The following DSCAML1 variants were observed in gnomAD, a reference collection of about 807,000 sequenced individuals.
The protein encoded by DSCAML1 is DS cell adhesion molecule like 1.
In DSCAML1, 38 loss-of-function variants were observed where a neutral mutation model predicts 200.5. The observed-to-expected ratio is 0.19, with a 90% CI of 0.15 to 0.25. The LOEUF (loss-of-function observed/expected upper bound fraction) is 0.25, where lower values mean the gene tolerates loss of function less well. DSCAML1 is among the 10% of genes least tolerant of loss of function. The pLI, the probability that DSCAML1 is intolerant of heterozygous loss-of-function variation, is 1.00. For synonymous variants in DSCAML1, 1,215 were observed against 1,165.0 expected (o/e 1.04, Z -0.87); for missense variants, 2,223 against 2,858.8 (o/e 0.78, Z 5.07).
chr11:117,590,240 A>G (rs2051232973), intron 3 of DSCAML1, among the ~76,000 whole-genome samples: 1 of 152,002 alleles, frequency 6.6e-6, no homozygotes, highest in South Asian at 2.1e-4. Flanking sequence ...CCAGGCTGGA[A>G]TGCAGTGGTG....
intron 3 of DSCAML1, among the ~76,000 whole-genome samples, chr11:117,536,022 C>T (rs919146742): frequency 6.6e-6 from 1 of 152,098 alleles, no homozygotes; most frequent in Non-Finnish European, 1.5e-5. Flanking sequence ...CCTCCCTCCC[C>T]CCCTTCTTGT....
At chr11:117,745,083 C>T (rs775430345) in intron 3 of DSCAML1, among the ~76,000 whole-genome samples, 7 of 152,064 alleles carry the variant, frequency 4.6e-5, no homozygotes, top group East Asian at 1.9e-4. Context: ...CATAAGAGAA[C>T]GCTTCCATTT....
At position 117,428,677 on chromosome 11, in the gene DSCAML1, T is replaced by A. The variant is rs756455771; in HGVS notation, c.5813A>T (p.His1938Leu). 2 of 1,612,416 alleles carry A rather than the reference T, an allele frequency of 1.2e-6. No individual in the cohort carries two copies. The highest frequency in any genetic ancestry group is 1.7e-6 in the Non-Finnish European group (2 of 1,179,570). ...ASIRNLARTY[H>L]TQARHLTLDP... ...CAGGGTCAGGTGGCGAGCCTGGGTG[T>A]GGTAGGTTCGAGCCAGGTTCCGGAT... is the stretch of plus-strand genomic sequence containing the variant. The change falls in exon 33 of 33, where the codon CAC (histidine) becomes CTC (leucine). Residue 1938 changes from histidine (H) to leucine (L), a missense_variant. Transcript: ENST00000651296.
At chr11:117,564,835 G>A (rs1019315052) in intron 3 of DSCAML1, among the ~76,000 whole-genome samples, 8 of 151,064 alleles carry the variant, frequency 5.3e-5, no homozygotes, top group African/African-American at 1.5e-4. Flanking sequence ...GTGCGATCTC[G>A]GCTCACTGCA....
chr11:117,714,216 T>C (rs1016808789), intron 3 of DSCAML1, among the ~76,000 whole-genome samples: 2 of 152,210 alleles, frequency 1.3e-5, no homozygotes, highest in Admixed American at 1.3e-4. Flanking sequence ...ACTGTTATTA[T>C]GGTTTGGATG....
upstream of DSCAML1, among the ~76,000 whole-genome samples, chr11:117,798,804 G>T (rs375033983): frequency 6.6e-6 from 1 of 152,064 alleles, no homozygotes; most frequent in Non-Finnish European, 1.5e-5. Flanking sequence ...CTTGTTCAAG[G>T]CCACCAAGGT....
At chr11:117,762,628 G>A (rs532962453) in intron 3 of DSCAML1, among the ~76,000 whole-genome samples, 17 of 152,120 alleles carry the variant, frequency 1.1e-4, no homozygotes, top group Non-Finnish European at 2.1e-4. Context: ...TTTGGGAGGT[G>A]GAGGCGGGTG....
intron 15 of DSCAML1, 21 bp downstream of exon 15, chr11:117,471,848 C>T: frequency 1.3e-6 from 2 of 1,487,056 alleles, no homozygotes; most frequent in Non-Finnish European, 1.8e-6. Context: ...ATGGGCAGGG[C>T]AGGCTGGGTG....
At chr11:117,551,275 C>T (rs2050462559) in intron 3 of DSCAML1, among the ~76,000 whole-genome samples, 1 of 152,228 alleles carries the variant, frequency 6.6e-6, no homozygotes, top group South Asian at 2.1e-4. Context: ...CCAAAAGCTG[C>T]ATTCTCCAAT....
intron 8 of DSCAML1, among the ~76,000 whole-genome samples, chr11:117,510,288 A>C (rs2049593236): frequency 6.6e-6 from 1 of 152,210 alleles, no homozygotes; most frequent in Admixed American, 6.5e-5. Flanking sequence ...ATGGGGCACT[A>C]GCCATGCCTG....
chr11:117,556,176 A>G (rs1378710631), intron 3 of DSCAML1, among the ~76,000 whole-genome samples: 1 of 152,192 alleles, frequency 6.6e-6, no homozygotes, highest in South Asian at 2.1e-4. Flanking sequence ...AGTGATCAGC[A>G]TGGGGCCTGG....
chr11:117,750,313 C>T (rs758363870), intron 3 of DSCAML1, among the ~76,000 whole-genome samples: 8 of 152,176 alleles, frequency 5.3e-5, no homozygotes, highest in African/African-American at 1.2e-4. Context: ...GTGTCTTTGT[C>T]GGACCCAGGT....
At chr11:117,750,101 T>C (rs2054581981) in intron 3 of DSCAML1, among the ~76,000 whole-genome samples, 1 of 152,162 alleles carries the variant, frequency 6.6e-6, no homozygotes, top group Admixed American at 6.5e-5. Context: ...CCTTTCTGGG[T>C]TGCAGTTCTC....
chr11:117,571,509 C>G (rs576555038), intron 3 of DSCAML1, among the ~76,000 whole-genome samples: 1 of 152,302 alleles, frequency 6.6e-6, no homozygotes, highest in South Asian at 2.1e-4. Context: ...CTTCATCACA[C>G]TGTTTTGCTG....
chr11:117,543,390 G>T (rs928437723), intron 3 of DSCAML1, among the ~76,000 whole-genome samples: 14 of 151,896 alleles, frequency 9.2e-5, no homozygotes, highest in African/African-American at 2.9e-4. Flanking sequence ...GTGTATCTGT[G>T]CTGGCATGTT....
At chr11:117,683,252 T>G (rs2053342193) in intron 3 of DSCAML1, among the ~76,000 whole-genome samples, 1 of 152,182 alleles carries the variant, frequency 6.6e-6, no homozygotes, top group South Asian at 2.1e-4. Context: ...TGCCAACAAC[T>G]GAGCGATAAG....
chr11:117,721,506 G>A (rs549645205), intron 3 of DSCAML1, among the ~76,000 whole-genome samples: 1 of 152,192 alleles, frequency 6.6e-6, no homozygotes, highest in East Asian at 1.9e-4. Context: ...TCCTGGCCCT[G>A]TTCTTTGGCC....
intron 3 of DSCAML1, among the ~76,000 whole-genome samples, chr11:117,534,900 T>C (rs1011558896): frequency 3.3e-5 from 5 of 152,232 alleles, no homozygotes; most frequent in Admixed American, 2.0e-4. Context: ...GGATTTTATT[T>C]TTTAATAGTT....
chr11:117,604,752 G>A (rs957186729), intron 3 of DSCAML1, among the ~76,000 whole-genome samples: 1 of 152,226 alleles, frequency 6.6e-6, no homozygotes, highest in African/African-American at 2.4e-5. Flanking sequence ...CAAGTGGCTT[G>A]ATTGTCCCAG....
Sources: allele counts gnomAD v4.1 joint callset (sites outside exome capture counted in the v4.1 genomes callset), GRCh38; gene constraint gnomAD v4.1.1; transcripts MANE v1.5; gene names NCBI Gene and HGNC (gene_info 2026-07-23, HGNC 2026-07-21).